ZNF892: variants seen among roughly 807,000 people sequenced by gnomAD.
ZNF892 encodes the protein zinc finger protein 892.
At chr2:95,256,014 G>T in the ZNF892 span, among the ~76,000 whole-genome samples, 7 of 152,170 alleles carry the variant, frequency 4.6e-5, no homozygotes, top group Non-Finnish European at 7.3e-5. Flanking sequence ...GCACGCTGAT[G>T]GGTCTTGACT....
At chr2:95,225,611 T>G in the ZNF892 span, among the ~76,000 whole-genome samples, 2 of 152,198 alleles carry the variant, frequency 1.3e-5, no homozygotes, top group East Asian at 3.8e-4. Flanking sequence ...GGGTAAACAT[T>G]CAAACCATAG....
chr2:95,231,387 T>A, the ZNF892 span, among the ~76,000 whole-genome samples: 8 of 152,296 alleles, frequency 5.3e-5, no homozygotes, highest in Admixed American at 2.0e-4. Context: ...TCACTGCTAC[T>A]TTGAGGGGGA....
At chr2:95,216,186 T>C in the ZNF892 span, among the ~76,000 whole-genome samples, 2,251 of 152,328 alleles carry the variant, frequency 0.015, 30 homozygotes, top group Non-Finnish European at 0.024. Flanking sequence ...ATGAGAAATA[T>C]AGACTTGCTA....
At chr2:95,206,356 C>T in the ZNF892 span, among the ~76,000 whole-genome samples, 1 of 152,066 alleles carries the variant, frequency 6.6e-6, no homozygotes. Context: ...TACTTTGACA[C>T]GAATTAAGAG....
the ZNF892 span, among the ~76,000 whole-genome samples, chr2:95,250,981 A>T: frequency 6.8e-6 from 1 of 148,104 alleles, no homozygotes; most frequent in Non-Finnish European, 1.5e-5. Flanking sequence ...ATATAAAAAA[A>T]TAAATGCTTA....
the ZNF892 span, among the ~76,000 whole-genome samples, chr2:95,240,809 A>G: frequency 2.6e-5 from 4 of 152,090 alleles, no homozygotes; most frequent in East Asian, 7.7e-4. Flanking sequence ...GGTTCAGTCA[A>G]CTCAGCCGTT....
the ZNF892 span, among the ~76,000 whole-genome samples, chr2:95,244,753 C>T: frequency 6.6e-6 from 1 of 152,190 alleles, no homozygotes; most frequent in Non-Finnish European, 1.5e-5. Flanking sequence ...CTCATTACCA[C>T]GTGGCATATA....
chr2:95,233,558 A>G, the ZNF892 span, among the ~76,000 whole-genome samples: 2 of 149,152 alleles, frequency 1.3e-5, no homozygotes, highest in African/African-American at 4.9e-5. Context: ...CTGTAGTCCC[A>G]GCTACTCAGG....
the ZNF892 span, chr2:95,214,892 C>T: frequency 4.0e-6 from 2 of 501,776 alleles, no homozygotes; most frequent in African/African-American, 2.0e-5. Context: ...GGAAAGCCTT[C>T]AGTCACCGCT....
chr2:95,218,341 G>A, the ZNF892 span, among the ~76,000 whole-genome samples: 1 of 152,226 alleles, frequency 6.6e-6, no homozygotes, highest in East Asian at 1.9e-4. Flanking sequence ...CACCTTCAGT[G>A]CTTTGCTTAG....
At chr2:95,223,331 TC>T in the ZNF892 span, among the ~76,000 whole-genome samples, 2 of 152,246 alleles carry the variant, frequency 1.3e-5, no homozygotes, top group Non-Finnish European at 2.9e-5. Context: ...TTGAATGTTT[TC>T]CCATTATGTA....
At chr2:95,222,060 A>G in the ZNF892 span, among the ~76,000 whole-genome samples, 1 of 152,102 alleles carries the variant, frequency 6.6e-6, no homozygotes, top group Non-Finnish European at 1.5e-5. Context: ...CCATCACCAC[A>G]AAGGGTACAG....
At chr2:95,263,280 A>G in the ZNF892 span, among the ~76,000 whole-genome samples, 5 of 152,308 alleles carry the variant, frequency 3.3e-5, no homozygotes, top group East Asian at 9.6e-4. Context: ...CCAACAGCCT[A>G]GATTCTACCA....
At chr2:95,246,919 T>G in the ZNF892 span, among the ~76,000 whole-genome samples, 1 of 152,194 alleles carries the variant, frequency 6.6e-6, no homozygotes, top group Non-Finnish European at 1.5e-5. Flanking sequence ...ATCATAAAAA[T>G]GGCCATACTG....
chr2:95,240,244 A>C, the ZNF892 span, among the ~76,000 whole-genome samples: 2 of 152,330 alleles, frequency 1.3e-5, no homozygotes, highest in Admixed American at 1.3e-4. Context: ...CAGCACCTTC[A>C]ACTGAAATAT....
chr2:95,258,718 C>G, the ZNF892 span, among the ~76,000 whole-genome samples: 1 of 152,074 alleles, frequency 6.6e-6, no homozygotes, highest in African/African-American at 2.4e-5. Flanking sequence ...GTAAGAATTC[C>G]TACCTCTCCC....
the ZNF892 span, among the ~76,000 whole-genome samples, chr2:95,238,328 C>G: frequency 6.6e-6 from 1 of 152,196 alleles, no homozygotes; most frequent in African/African-American, 2.4e-5. Context: ...TGTCTGTGCT[C>G]TATAAATGGA....
At chr2:95,250,769 CATAAATTATAAATTTATA>C in the ZNF892 span, among the ~76,000 whole-genome samples, 8 of 143,176 alleles carry the variant, frequency 5.6e-5, no homozygotes, top group African/African-American at 7.5e-5. Context: ...ATAAATTTAT[CATAAATTATAAATTTATA>C]AATATAAAAT....
the ZNF892 span, chr2:95,214,350 C>A: frequency 2.5e-6 from 1 of 398,386 alleles, no homozygotes; most frequent in Non-Finnish European, 4.4e-6. Flanking sequence ...GGAAACAATA[C>A]CAGAAAGCAA....
Sources: allele counts gnomAD v4.1 joint callset (sites outside exome capture counted in the v4.1 genomes callset), GRCh38; gene constraint gnomAD v4.1.1; transcripts MANE v1.5; gene names NCBI Gene and HGNC (gene_info 2026-07-23, HGNC 2026-07-21).